CCDC33: variants seen among roughly 807,000 people sequenced by gnomAD.
The protein encoded by CCDC33 is coiled-coil domain containing 33, also known as coiled-coil domain-containing protein 33.
In CCDC33, 94 loss-of-function variants were observed where a neutral mutation model predicts 91.9. The observed-to-expected ratio is 1.02, with a 90% confidence interval of 0.87 to 1.21. The LOEUF (loss-of-function observed/expected upper bound fraction) is 1.21. CCDC33 is among the 50% of genes most tolerant of loss of function. The pLI is 0.00. For synonymous variants in CCDC33, 396 were observed against 374.5 expected, an observed-to-expected ratio of 1.06 and a Z score of -0.66; for missense variants, 940 against 935.5, an observed-to-expected ratio of 1.00 and a Z score of -0.06.
intron 17 of CCDC33, 141 bp downstream of exon 17, chr15:74,334,108 G>A (rs1402800867): frequency 4.4e-6 from 3 of 683,396 alleles, no homozygotes; most frequent in Non-Finnish European, 7.2e-6. Flanking sequence ...GGGGTTCAGT[G>A]TGCAACCAGG....
chr15:74,283,003 A>T (rs2059398808), intron 10 of CCDC33, among the ~76,000 whole-genome samples: 1 of 152,182 alleles, frequency 6.6e-6, no homozygotes, highest in South Asian at 2.1e-4. Context: ...GCTCTGGGGT[A>T]GCACTTGGCT....
rs546575380 is a variant in CCDC33, at chr15:74,236,832, C to CA, written c.21+96dup. On this transcript the variant is annotated intron_variant, in intron 1 of 18. Transcript: ENST00000398814. Reference sequence around the variant, plus strand: ...AGTTTTGTTTGCTCCTTAATCATGACAAAAGCTTCCCTTCCCTGGGTCTCA... The same window carrying CA: ...AGTTTTGTTTGCTCCTTAATCATGACAAAAAGCTTCCCTTCCCTGGGTCTCA... 5.3e-5 allele frequency: 68 copies of CA among 1,273,372 alleles called. 1 individual carries two copies. In the African/African-American group the frequency reaches 8.9e-4, roughly 17 times the overall value. The allele number at this position is 1,273,372 out of a possible 1,614,324, so 78.9% of individuals were successfully genotyped here.
chr15:74,205,150 G>T (rs1225206866), intron 1 of CCDC33, among the ~76,000 whole-genome samples: 2 of 152,144 alleles, frequency 1.3e-5, no homozygotes, highest in Admixed American at 6.5e-5. Flanking sequence ...GAGACAAGGT[G>T]GTCAGGGAAG....
At chr15:74,283,296 G>A (rs2059405979) in intron 10 of CCDC33, among the ~76,000 whole-genome samples, 1 of 152,180 alleles carries the variant, frequency 6.6e-6, no homozygotes, top group Non-Finnish European at 1.5e-5. Context: ...TCTGCCTGTG[G>A]CCACTGGCCA....
chr15:74,262,029 C>T (rs899017595), intron 2 of CCDC33, among the ~76,000 whole-genome samples: 3 of 149,362 alleles, frequency 2.0e-5, no homozygotes, highest in African/African-American at 5.0e-5. Context: ...GGCGGGGCAT[C>T]GCACAGCCAC....
intron 2 of CCDC33, among the ~76,000 whole-genome samples, chr15:74,228,818 G>A (rs899768318): frequency 2.0e-5 from 3 of 152,220 alleles, no homozygotes; most frequent in African/African-American, 4.8e-5. Context: ...CCAGCTCCAC[G>A]CTGCATTAAT....
intron 2 of CCDC33, among the ~76,000 whole-genome samples, chr15:74,250,806 G>C (rs2075684557): frequency 2.6e-5 from 4 of 152,178 alleles, no homozygotes. Flanking sequence ...TATGACTGTG[G>C]GAAAGTTACT....
At chr15:74,207,981 G>A in intron 1 of CCDC33, 2 of 1,421,238 alleles carry the variant, frequency 1.4e-6, no homozygotes, top group Non-Finnish European at 1.8e-6. Flanking sequence ...CCATGTGGGA[G>A]GGTCAGAAGC....
chr15:74,233,810 A>C (rs907281426), upstream of CCDC33, among the ~76,000 whole-genome samples: 1 of 152,222 alleles, frequency 6.6e-6, no homozygotes, highest in African/African-American at 2.4e-5. Context: ...AGAAAGGGTT[A>C]ACATTTTGCC....
intron 10 of CCDC33, among the ~76,000 whole-genome samples, chr15:74,282,263 C>T (rs2059383561): frequency 6.6e-6 from 1 of 152,234 alleles, no homozygotes; most frequent in Non-Finnish European, 1.5e-5. Flanking sequence ...GGCAGGGTCA[C>T]ATTCCTTTCT....
chr15:74,332,206 CCT>C (rs1408683818), intron 15 of CCDC33, among the ~76,000 whole-genome samples: 2 of 152,178 alleles, frequency 1.3e-5, no homozygotes, highest in Non-Finnish European at 1.5e-5. Context: ...ACCCAGGGCC[CCT>C]GTGTGCCCAG....
At chr15:74,291,049 A>T (rs1034071722) in intron 10 of CCDC33, among the ~76,000 whole-genome samples, 2 of 151,402 alleles carry the variant, frequency 1.3e-5, no homozygotes, top group African/African-American at 4.9e-5. Context: ...GTGCTTTGGG[A>T]TTAACCCTCT....
chr15:74,300,623 G>T (rs2059776202), intron 11 of CCDC33: 1 of 152,196 alleles, frequency 6.6e-6, no homozygotes, highest in African/African-American at 2.4e-5. Context: ...ATTCCCCGGA[G>T]CCCAAAAAAC....
chr15:74,205,738 G>A (rs2142103684), intron 1 of CCDC33, among the ~76,000 whole-genome samples: 1 of 152,340 alleles, frequency 6.6e-6, no homozygotes. Context: ...CCCAGGCACA[G>A]TCCCTTCCCC....
chr15:74,332,789 C>G lies in CCDC33; in HGVS notation c.1882C>G (p.Leu628Val). The change falls in exon 16 of 19, where the codon CTG becomes GTG. Residue 628 changes from leucine to valine, a missense_variant. Physicochemically the swap from Leu to Val is conservative, Grantham distance 32. Coordinates refer to ENST00000398814, the MANE Select transcript of CCDC33 (RefSeq NM_025055.5). ...AGAAAACGCGAAGCTGCGGACGGAG[C>G]TGGATAAGAACCGCCACCAGCAGGC... ...LAENAKLRTELDKNRHQQAPI... is the reference protein window; with the variant it reads ...LAENAKLRTEVDKNRHQQAPI... 4 of 1,614,186 alleles carry G rather than the reference C, an allele frequency of 2.5e-6. No individual in the cohort carries two copies. In the Admixed American group the frequency reaches 6.7e-5, roughly 27 times the overall value.
Position 74,218,883 on chromosome 15 carries a change from G to A in CCDC33, c.675+22G>A. 1.7e-6 allele frequency: 2 copies of A among 1,210,666 alleles called. No individual in the cohort carries two copies. Among genetic ancestry groups the A allele is most frequent in the Non-Finnish European group, 1.1e-6 (1 of 951,776 alleles). The allele number at this position is 1,210,666 out of a possible 1,614,324, so 75.0% of individuals were successfully genotyped here. ...GCAGGTGGGTGCTTCCCTGGTCCCA[G>A]TTCAGGTTCTGGGCTCACCGGGTAC... On this transcript the variant is annotated intron_variant, in intron 2 of 2. Transcript: ENST00000635913. The surrounding 1 kb of genome is among the most constrained non-coding windows in gnomAD (Gnocchi z 4.8).
In CCDC33 at chr15:74,211,486, C is replaced by T. The variant is rs200076014; in HGVS notation, n.237-660C>T. Among the ~76,000 whole-genome samples, 10 of 151,106 alleles carry T rather than the reference C, an allele frequency of 6.6e-5. No individual in the cohort carries two copies. The East Asian group carries it at 1.4e-3, about 21-fold the overall frequency. On this transcript the variant is annotated intron_variant and non_coding_transcript_variant, in intron 2 of 3. Transcript: ENST00000558645. ...TGCTATCTCAGTCCACTGCAACCTC[C>T]GCCTCCTGGGTTCAAGCGATTCTCC... is the stretch of plus-strand genomic sequence containing the variant.
intron 1 of CCDC33, chr15:74,208,053 A>T: frequency 1.5e-6 from 2 of 1,299,128 alleles, no homozygotes; most frequent in Non-Finnish European, 2.0e-6. Flanking sequence ...TCATCATAAC[A>T]TAAAGGATTT....
At chr15:74,325,803 G>A (rs961208129) in intron 11 of CCDC33, among the ~76,000 whole-genome samples, 2 of 152,072 alleles carry the variant, frequency 1.3e-5, no homozygotes, top group African/African-American at 2.4e-5. Context: ...GTGGGTAAGG[G>A]TTAAGCATTA....
Sources: allele counts gnomAD v4.1 joint callset (sites outside exome capture counted in the v4.1 genomes callset), GRCh38; gene constraint gnomAD v4.1.1; non-coding constraint Gnocchi (gnomAD v3.1); transcripts MANE v1.5; gene names NCBI Gene and HGNC (gene_info 2026-07-23, HGNC 2026-07-21).